Variants in LRMDA observed in about 807,000 individuals in gnomAD.
LRMDA encodes the protein leucine-rich melanocyte differentiation-associated protein.
Under a neutral mutation model 29.8 loss-of-function variants are expected in LRMDA, and 18 were observed. The ratio of observed to expected loss-of-function variants is 0.60; its 90% CI spans 0.42 to 0.90. The LOEUF is 0.90. Ranked by LOEUF, LRMDA falls within the 40% of genes least tolerant of loss-of-function variation. The pLI is 0.00. For synonymous variants in LRMDA, 125 were observed against 109.4 expected, an observed-to-expected ratio of 1.14 and a Z score of -0.89; for missense variants, 273 against 273.9, an observed-to-expected ratio of 1.00 and a Z score of 0.02.
chr10:76,065,565 CT>C (rs1477891163), intron 5 of LRMDA, among the ~76,000 whole-genome samples: 1 of 152,230 alleles, frequency 6.6e-6, no homozygotes, highest in Non-Finnish European at 1.5e-5. Flanking sequence ...ATGCTCGCTG[CT>C]GTCCAAAGAT....
chr10:75,854,718 C>T (rs1170914967), intron 2 of LRMDA, among the ~76,000 whole-genome samples: 1 of 151,516 alleles, frequency 6.6e-6, no homozygotes, highest in African/African-American at 2.4e-5. Flanking sequence ...TCCCTCCCCA[C>T]TCCCCCCACC....
At chr10:76,228,435 G>C (rs1021569619) in intron 5 of LRMDA, among the ~76,000 whole-genome samples, 1 of 152,192 alleles carries the variant, frequency 6.6e-6, no homozygotes, top group African/African-American at 2.4e-5. Flanking sequence ...GGCATGCCAT[G>C]TGGGAGATGA....
chr10:75,630,852 T>C (rs1841313342), intron 2 of LRMDA, among the ~76,000 whole-genome samples: 1 of 152,216 alleles, frequency 6.6e-6, no homozygotes, highest in Non-Finnish European at 1.5e-5. Flanking sequence ...TCAGCAGTTT[T>C]TCTAATTGTT....
chr10:76,156,467 C>CT (rs1437743650), intron 5 of LRMDA, among the ~76,000 whole-genome samples: 1 of 152,074 alleles, frequency 6.6e-6, no homozygotes, highest in Non-Finnish European at 1.5e-5. Context: ...AGAGGGTGGA[C>CT]TAGGGACCTC....
chr10:75,926,218 C>T (rs532741526), intron 2 of LRMDA, among the ~76,000 whole-genome samples: 40 of 152,146 alleles, frequency 2.6e-4, no homozygotes, highest in African/African-American at 8.9e-4. Context: ...CATCAACTGC[C>T]TGGAAAGCAG....
chr10:76,030,434 C>T (rs186259375), intron 2 of LRMDA, among the ~76,000 whole-genome samples: 8 of 152,144 alleles, frequency 5.3e-5, no homozygotes, highest in Non-Finnish European at 1.2e-4. Flanking sequence ...TTTATCCATA[C>T]ATTTAAGGAT....
At chr10:75,461,901 T>C (rs1303740311) in intron 2 of LRMDA, among the ~76,000 whole-genome samples, 1 of 152,220 alleles carries the variant, frequency 6.6e-6, no homozygotes, top group African/African-American at 2.4e-5. Context: ...GCCAGGCTAG[T>C]GAAGGAGGCA....
intron 2 of LRMDA, among the ~76,000 whole-genome samples, chr10:75,667,793 A>AT (rs1479606641): frequency 6.6e-6 from 1 of 152,198 alleles, no homozygotes; most frequent in African/African-American, 2.4e-5. Flanking sequence ...TGAACTCCTT[A>AT]TTTTAATTAC....
In LRMDA at chr10:76,057,150, G is replaced by C. The variant is rs138668313; in HGVS notation, c.399-1516G>C. 3.0e-3 allele frequency among the ~76,000 whole-genome samples: 454 copies of C among 152,254 alleles called. 1 individual carries two copies. Among genetic ancestry groups the C allele is most frequent in the Middle Eastern group, 0.014 (4 of 294 alleles). ...CCTTGATGCCCATTTGAGATTTCCT[G>C]TTTCTCCTTTTCCATTGAGTTTTCA... On this transcript the variant is annotated intron_variant, in intron 4 of 6. Coordinates refer to ENST00000611255, the MANE Select transcript of LRMDA (RefSeq NM_001305581.2).
chr10:75,746,790 T>C (rs1241263549), intron 2 of LRMDA, among the ~76,000 whole-genome samples: 1 of 152,068 alleles, frequency 6.6e-6, no homozygotes, highest in Non-Finnish European at 1.5e-5. Flanking sequence ...GGACACATCC[T>C]AAAGGAAAAG....
intron 2 of LRMDA, among the ~76,000 whole-genome samples, chr10:76,000,183 G>A (rs145309315): frequency 6.6e-6 from 1 of 152,134 alleles, no homozygotes; most frequent in Admixed American, 6.5e-5. Context: ...GGAGGTGGAG[G>A]ACGGGGGCTG....
intron 5 of LRMDA, among the ~76,000 whole-genome samples, chr10:76,112,363 T>G (rs1219236673): frequency 2.0e-5 from 3 of 152,208 alleles, no homozygotes; most frequent in Non-Finnish European, 2.9e-5. Context: ...AAGTGAGATC[T>G]GTGGCCAGGA....
intron 6 of LRMDA, among the ~76,000 whole-genome samples, chr10:76,370,665 A>G (rs1308210035): frequency 6.6e-6 from 1 of 152,112 alleles, no homozygotes; most frequent in Admixed American, 6.6e-5. Context: ...TCATTGTTCT[A>G]TTTTATTATT....
chr10:76,251,442 CG>C (rs1852481644), intron 5 of LRMDA, among the ~76,000 whole-genome samples: 1 of 150,700 alleles, frequency 6.6e-6, no homozygotes, highest in Admixed American at 6.6e-5. Flanking sequence ...TTAGTAGAGA[CG>C]GGGTTTCACC....
intron 2 of LRMDA, among the ~76,000 whole-genome samples, chr10:75,985,553 AGAG>A (rs1336316566): frequency 2.0e-5 from 3 of 152,358 alleles, no homozygotes; most frequent in Non-Finnish European, 2.9e-5. Context: ...CAGTCAAAAA[AGAG>A]AGATTTCCTC....
intron 5 of LRMDA, among the ~76,000 whole-genome samples, chr10:76,109,048 G>GC (rs1315362174): frequency 6.6e-6 from 1 of 152,122 alleles, no homozygotes; most frequent in East Asian, 1.9e-4. Flanking sequence ...TCACTCACAT[G>GC]CCCCACAGTC....
chr10:75,824,884 A>G (rs1844222983), intron 2 of LRMDA, among the ~76,000 whole-genome samples: 1 of 152,234 alleles, frequency 6.6e-6, no homozygotes, highest in Non-Finnish European at 1.5e-5. Flanking sequence ...GGTAGGGACA[A>G]ACATATGGAC....
chr10:75,665,158 A>G (rs1274337916), intron 2 of LRMDA, among the ~76,000 whole-genome samples: 1 of 152,176 alleles, frequency 6.6e-6, no homozygotes, highest in African/African-American at 2.4e-5. Context: ...CACCTGATGA[A>G]ATAGTTTCTT....
At chr10:76,250,553 G>A (rs1407181922) in intron 5 of LRMDA, among the ~76,000 whole-genome samples, 1 of 152,144 alleles carries the variant, frequency 6.6e-6, no homozygotes, top group East Asian at 1.9e-4. Flanking sequence ...ATCATGAATA[G>A]GTTTCAAATC....
Sources: allele counts gnomAD v4.1 joint callset (sites outside exome capture counted in the v4.1 genomes callset), GRCh38; gene constraint gnomAD v4.1.1; transcripts MANE v1.5; gene names NCBI Gene and HGNC (gene_info 2026-07-23, HGNC 2026-07-21).